LHFPL3: variants seen among roughly 807,000 people sequenced by gnomAD.
LHFPL3 encodes LHFPL tetraspan subfamily member 3 protein.
A neutral mutation model predicts 19.3 loss-of-function variants in LHFPL3; 5 were observed. The ratio of observed to expected loss-of-function variants is 0.26; its 90% CI spans 0.14 to 0.54. The LOEUF (loss-of-function observed/expected upper bound fraction) is 0.54. Ranked by LOEUF, LHFPL3 falls within the 20% of genes least tolerant of loss-of-function variation. The pLI, the probability that LHFPL3 is intolerant of heterozygous loss-of-function variation, is 0.94. For synonymous variants in LHFPL3, 133 were observed against 126.2 expected (o/e 1.05, Z -0.36); for missense variants, 249 against 307.4 (o/e 0.81, Z 1.42).
intron 1 of LHFPL3, among the ~76,000 whole-genome samples, chr7:104,373,717 A>G (rs891668022): frequency 1.3e-5 from 2 of 152,170 alleles, no homozygotes; most frequent in Admixed American, 6.5e-5. Context: ...GGGCAGTTCT[A>G]TGGTGGCTGC....
At chr7:104,623,529 CT>C (rs1368425189) in intron 1 of LHFPL3, among the ~76,000 whole-genome samples, 2 of 115,294 alleles carry the variant, frequency 1.7e-5, no homozygotes, top group Admixed American at 1.7e-4. Context: ...ACTTGGGAGG[CT>C]GAGGCAGGAG....
intron 2 of LHFPL3, among the ~76,000 whole-genome samples, chr7:104,897,151 A>T (rs1792380341): frequency 6.6e-6 from 1 of 152,168 alleles, no homozygotes; most frequent in Non-Finnish European, 1.5e-5. Context: ...AAAGCCCCAA[A>T]ATTCTAAAAT....
At chr7:104,872,374 G>T (rs149059147) in intron 2 of LHFPL3, among the ~76,000 whole-genome samples, 1,647 of 151,816 alleles carry the variant, frequency 0.011, 25 homozygotes, top group African/African-American at 0.038. Flanking sequence ...GCGAGGCACA[G>T]TGGCTCACGC....
chr7:104,718,659 A>G (rs1465268231), intron 1 of LHFPL3, among the ~76,000 whole-genome samples: 1 of 152,210 alleles, frequency 6.6e-6, no homozygotes, highest in Non-Finnish European at 1.5e-5. Context: ...AGTAATCGCA[A>G]TTTTTGCCAT....
chr7:104,650,768 G>A (rs1426784761), intron 1 of LHFPL3, among the ~76,000 whole-genome samples: 2 of 152,216 alleles, frequency 1.3e-5, no homozygotes, highest in Non-Finnish European at 2.9e-5. Context: ...CCTAGGCACT[G>A]TGGGGAGATG....
At chr7:104,488,002 T>C (rs559391076) in intron 1 of LHFPL3, among the ~76,000 whole-genome samples, 1 of 152,292 alleles carries the variant, frequency 6.6e-6, no homozygotes, top group African/African-American at 2.4e-5. Flanking sequence ...GGTCATGAAG[T>C]CCATATCTAG....
At chr7:104,727,998 G>T (rs905392999) in intron 1 of LHFPL3, among the ~76,000 whole-genome samples, 1 of 152,110 alleles carries the variant, frequency 6.6e-6, no homozygotes, top group Admixed American at 6.6e-5. Context: ...AAGTAGGGGC[G>T]TGTCAATAAT....
At chr7:104,564,081 T>A (rs886276803) in intron 1 of LHFPL3, among the ~76,000 whole-genome samples, 1 of 152,200 alleles carries the variant, frequency 6.6e-6, no homozygotes, top group Non-Finnish European at 1.5e-5. Flanking sequence ...AATCCTATGA[T>A]GTGGCTACTA....
chr7:104,495,117 A>C lies in LHFPL3; in HGVS notation c.445+165893A>C, dbSNP rs187697153. Among the ~76,000 whole-genome samples, 175 of 152,240 alleles carry C rather than the reference A, an allele frequency of 1.1e-3. 1 individual carries two copies. The East Asian group carries it at 0.024, about 21-fold the overall frequency. On this transcript the variant is annotated intron_variant, in intron 1 of 2. Coordinates refer to ENST00000424859, the MANE Select transcript of LHFPL3 (RefSeq NM_199000.3). ...TCTTTCTCTCCTAATGGGTTTCCATAGTCCAAAATTTCTTCCTCAGAGAAG... is the reference window on the plus strand; with the variant it reads ...TCTTTCTCTCCTAATGGGTTTCCATCGTCCAAAATTTCTTCCTCAGAGAAG...
At chr7:104,829,975 C>T in intron 2 of LHFPL3, among the ~76,000 whole-genome samples, 1 of 151,972 alleles carries the variant, frequency 6.6e-6, no homozygotes, top group Non-Finnish European at 1.5e-5. Flanking sequence ...TATTTCTCCA[C>T]ATCCTCTCCA....
chr7:104,577,838 T>A (rs901180329), intron 1 of LHFPL3, among the ~76,000 whole-genome samples: 6 of 152,212 alleles, frequency 3.9e-5, no homozygotes, highest in African/African-American at 1.4e-4. Flanking sequence ...GGCCCAAGAC[T>A]CCTAATGCAT....
intron 1 of LHFPL3, among the ~76,000 whole-genome samples, chr7:104,695,306 T>C (rs1334796532): frequency 7.9e-5 from 12 of 152,218 alleles, no homozygotes; most frequent in Admixed American, 7.8e-4. Flanking sequence ...ATGAGTTAAC[T>C]ACATTAATTC....
intron 2 of LHFPL3, among the ~76,000 whole-genome samples, chr7:104,804,274 G>A (rs1790311160): frequency 6.6e-6 from 1 of 152,188 alleles, no homozygotes; most frequent in Non-Finnish European, 1.5e-5. Context: ...ATCTGGGGCT[G>A]AGACTGCCAG....
chr7:104,641,936 T>A (rs557816480), intron 1 of LHFPL3, among the ~76,000 whole-genome samples: 2 of 152,152 alleles, frequency 1.3e-5, no homozygotes. Context: ...TAGTAGCTGA[T>A]GTTTTTGAAG....
At chr7:104,630,377 T>C (rs150677987) in intron 1 of LHFPL3, among the ~76,000 whole-genome samples, 13 of 152,140 alleles carry the variant, frequency 8.5e-5, no homozygotes, top group African/African-American at 3.1e-4. Flanking sequence ...GGTAATTGCA[T>C]AGGAAAAAAT....
chr7:104,372,273 C>T (rs917902771), intron 1 of LHFPL3, among the ~76,000 whole-genome samples: 3 of 152,156 alleles, frequency 2.0e-5, no homozygotes, highest in African/African-American at 7.2e-5. Context: ...GGCTCTTGTC[C>T]TTTTCCAGTC....
intron 2 of LHFPL3, among the ~76,000 whole-genome samples, chr7:104,763,075 A>C (rs528904220): frequency 6.6e-6 from 1 of 152,232 alleles, no homozygotes; most frequent in African/African-American, 2.4e-5. Context: ...CAGAACTGTG[A>C]TGATGCCAAA....
chr7:104,576,837 A>G (rs151143445), intron 1 of LHFPL3, among the ~76,000 whole-genome samples: 406 of 152,298 alleles, frequency 2.7e-3, no homozygotes, highest in Non-Finnish European at 3.2e-3. Flanking sequence ...CCCAAATTCC[A>G]AAAGCCATCA....
intron 1 of LHFPL3, among the ~76,000 whole-genome samples, chr7:104,396,399 AGC>A (rs1167479438): frequency 1.3e-5 from 2 of 152,184 alleles, no homozygotes; most frequent in African/African-American, 4.8e-5. Context: ...TCTCCAGAGC[AGC>A]GGCTATGGTA....
Sources: allele counts gnomAD v4.1 joint callset (sites outside exome capture counted in the v4.1 genomes callset), GRCh38; gene constraint gnomAD v4.1.1; transcripts MANE v1.5; gene names NCBI Gene and HGNC (gene_info 2026-07-23, HGNC 2026-07-21).